The following CSMD2 variants were observed in gnomAD, a reference collection of about 807,000 sequenced individuals.
The protein encoded by CSMD2 is CUB and sushi domain-containing protein 2.
A neutral mutation model predicts 398.5 loss-of-function variants in CSMD2; 130 were observed. The ratio of observed to expected loss-of-function variants is 0.33; its 90% CI spans 0.28 to 0.38. The LOEUF is 0.38. Among genes scored for constraint, CSMD2 ranks in the 10% least tolerant of loss-of-function variants. The pLI is 1.00. For missense variants in CSMD2, 3,829 were observed against 4,764.9 expected (o/e 0.80, Z 5.78); for synonymous variants, 1,828 against 1,908.5 (o/e 0.96, Z 1.10).
At chr1:33,884,385 C>A (rs897592431) in intron 5 of CSMD2, among the ~76,000 whole-genome samples, 4 of 151,918 alleles carry the variant, frequency 2.6e-5, no homozygotes, top group Non-Finnish European at 5.9e-5. Flanking sequence ...AAGATGATCA[C>A]CCCCTTTGCC....
At chr1:33,613,075 C>G (rs950465181) in intron 40 of CSMD2, among the ~76,000 whole-genome samples, 1 of 152,186 alleles carries the variant, frequency 6.6e-6, no homozygotes, top group Non-Finnish European at 1.5e-5. Flanking sequence ...TCTAGTGGAG[C>G]AGCATGTAGC....
intron 2 of CSMD2, among the ~76,000 whole-genome samples, chr1:34,035,109 C>T (rs962720378): frequency 6.6e-6 from 1 of 152,266 alleles, no homozygotes; most frequent in African/African-American, 2.4e-5. Flanking sequence ...GCATTTCACA[C>T]ATTAAATGAA....
intron 3 of CSMD2, among the ~76,000 whole-genome samples, chr1:33,970,671 C>G (rs1409265306): frequency 6.6e-6 from 1 of 152,232 alleles, no homozygotes; most frequent in Non-Finnish European, 1.5e-5. Flanking sequence ...CAGGGCCTAC[C>G]TGAGTCCAGG....
chr1:33,903,674 A>G (rs1279238665), intron 5 of CSMD2, among the ~76,000 whole-genome samples: 1 of 152,178 alleles, frequency 6.6e-6, no homozygotes, highest in African/African-American at 2.4e-5. Context: ...TCTGCTGGCA[A>G]TGGCAGGGGA....
At chr1:34,066,188 T>C (rs1373994782) in intron 2 of CSMD2, among the ~76,000 whole-genome samples, 2 of 152,198 alleles carry the variant, frequency 1.3e-5, no homozygotes, top group Non-Finnish European at 2.9e-5. Context: ...GGATGTGTTA[T>C]ATGTACGAGT....
chr1:34,147,960 T>C (rs1450509897), intron 1 of CSMD2, among the ~76,000 whole-genome samples: 1 of 151,820 alleles, frequency 6.6e-6, no homozygotes, highest in South Asian at 2.1e-4. Context: ...ACAGAGCCTG[T>C]GGTCCAGAGT....
rs532885544 is a variant in CSMD2, at chr1:33,785,019, C to T, written c.1663+3581G>A. ...CACTGCCTCTGTGCACAGAACCTGA[C>T]GTAGTCCCTGTGGGTTTGCCATGTC... On this transcript the variant is annotated intron_variant, in intron 12 of 70. Transcript: ENST00000373381. 9.2e-5 allele frequency among the ~76,000 whole-genome samples: 14 copies of T among 152,312 alleles called. No homozygotes were observed. The South Asian group carries it at 1.0e-3, about 11-fold the overall frequency.
At chr1:33,776,803 A>T (rs1196249392) in intron 12 of CSMD2, among the ~76,000 whole-genome samples, 1 of 151,856 alleles carries the variant, frequency 6.6e-6, no homozygotes, top group Non-Finnish European at 1.5e-5. Flanking sequence ...GAAAGAGGTG[A>T]AAGGAGCAGG....
intron 50 of CSMD2, 101 bp downstream of exon 50, chr1:33,572,405 T>C (rs1460510834): frequency 3.9e-6 from 4 of 1,021,776 alleles, no homozygotes; most frequent in Non-Finnish European, 5.4e-6. Context: ...TTTTTTTTTT[T>C]TCCCCCTCAT....
intron 6 of CSMD2, among the ~76,000 whole-genome samples, chr1:33,834,251 C>T (rs78533108): frequency 0.52 from 23,276 of 44,936 alleles, 7,425 homozygotes; most frequent in East Asian, 0.8. Context: ...CTTCAAACTA[C>T]ACTACAAGGC....
At chr1:34,054,620 G>C (rs920102846) in intron 2 of CSMD2, among the ~76,000 whole-genome samples, 3 of 152,094 alleles carry the variant, frequency 2.0e-5, no homozygotes, top group Non-Finnish European at 4.4e-5. Flanking sequence ...GGTGCCTATA[G>C]TCCCAGCTAC....
intron 2 of CSMD2, among the ~76,000 whole-genome samples, chr1:34,064,093 C>T (rs1216451159): frequency 6.6e-6 from 1 of 152,198 alleles, no homozygotes; most frequent in African/African-American, 2.4e-5. Context: ...CCCACAAAAC[C>T]ACGTATTCCT....
chr1:33,856,969 TG>T (rs1354288012), intron 5 of CSMD2, among the ~76,000 whole-genome samples: 1 of 152,032 alleles, frequency 6.6e-6, no homozygotes. Context: ...TTCTTGGCCC[TG>T]CCATATCTCT....
At chr1:33,812,172 T>C (rs1395669805) in intron 9 of CSMD2, among the ~76,000 whole-genome samples, 1 of 152,076 alleles carries the variant, frequency 6.6e-6, no homozygotes, top group Non-Finnish European at 1.5e-5. Context: ...CCAGGAAAAG[T>C]GTGGGGAGAA....
At chr1:33,590,977 T>C (rs1639400919) in intron 44 of CSMD2, among the ~76,000 whole-genome samples, 1 of 145,386 alleles carries the variant, frequency 6.9e-6, no homozygotes, top group African/African-American at 2.5e-5. Flanking sequence ...AAGCTTTTAT[T>C]TATCTTTTTT....
At chr1:33,887,601 T>C (rs975246232) in intron 5 of CSMD2, among the ~76,000 whole-genome samples, 1 of 152,214 alleles carries the variant, frequency 6.6e-6, no homozygotes, top group African/African-American at 2.4e-5. Flanking sequence ...AATTTCTTAA[T>C]GTTATATAAT....
intron 1 of CSMD2, among the ~76,000 whole-genome samples, chr1:34,092,227 T>C (rs1041629574): frequency 6.6e-6 from 1 of 152,178 alleles, no homozygotes; most frequent in African/African-American, 2.4e-5. Flanking sequence ...TGGAGAGACA[T>C]AGCATAATCT....
chr1:33,944,705 G>A (rs548367145), intron 3 of CSMD2, among the ~76,000 whole-genome samples: 30 of 152,098 alleles, frequency 2.0e-4, no homozygotes, highest in East Asian at 3.9e-4. Flanking sequence ...CATCTTATGC[G>A]GACGGAGGTA....
At chr1:33,582,309 A>G (rs997215384) in intron 47 of CSMD2, among the ~76,000 whole-genome samples, 2 of 152,224 alleles carry the variant, frequency 1.3e-5, no homozygotes, top group Middle Eastern at 3.2e-3. Flanking sequence ...AAGATGGCTC[A>G]TAGAGCATGA....
Sources: allele counts gnomAD v4.1 joint callset (sites outside exome capture counted in the v4.1 genomes callset), GRCh38; gene constraint gnomAD v4.1.1; transcripts MANE v1.5; gene names NCBI Gene and HGNC (gene_info 2026-07-23, HGNC 2026-07-21).